RANBP17: variants seen among roughly 807,000 people sequenced by gnomAD.
RANBP17 encodes ran-binding protein 17.
A neutral mutation model predicts 141.2 loss-of-function variants in RANBP17; 158 were observed. The observed-to-expected ratio is 1.12, with a 90% CI of 0.98 to 1.28. The LOEUF is 1.28. Among genes scored for constraint, RANBP17 ranks in the 50% most tolerant of loss-of-function variants. The pLI is 0.00. For missense variants in RANBP17, 1,438 were observed against 1,290.7 expected (o/e 1.11, Z -1.75); for synonymous variants, 430 against 450.0 (o/e 0.96, Z 0.56).
chr5:170,985,921 A>G (rs929855853), intron 14 of RANBP17, among the ~76,000 whole-genome samples: 2 of 152,078 alleles, frequency 1.3e-5, no homozygotes, highest in Admixed American at 6.6e-5. Context: ...TTTTGCCTTC[A>G]TTCTTCTGAA....
At chr5:171,284,508 T>G (rs1768039896) in intron 25 of RANBP17, 1 of 151,906 alleles carries the variant, frequency 6.6e-6, no homozygotes, top group African/African-American at 2.4e-5. Context: ...TATTTTTTTG[T>G]AAAGGTGGAG....
At chr5:171,099,228 G>C (rs756236586) in intron 14 of RANBP17, among the ~76,000 whole-genome samples, 3 of 152,052 alleles carry the variant, frequency 2.0e-5, no homozygotes, top group Admixed American at 6.6e-5. Context: ...TCACAATATT[G>C]GTTCTTCCTA....
chr5:170,926,704 T>TA (rs5873246), intron 12 of RANBP17, among the ~76,000 whole-genome samples: 92,657 of 151,378 alleles, frequency 0.61, 29,663 homozygotes, highest in South Asian at 0.88. Context: ...GTGCAAAAAT[T>TA]AAAAAACTTA....
At chr5:171,163,032 A>G (rs751331978) in intron 14 of RANBP17, among the ~76,000 whole-genome samples, 17 of 152,222 alleles carry the variant, frequency 1.1e-4, no homozygotes, top group Non-Finnish European at 1.8e-4. Context: ...ATTCAGATGT[A>G]TTTTATACTT....
intron 16 of RANBP17, among the ~76,000 whole-genome samples, chr5:171,172,958 A>G (rs1341738999): frequency 6.6e-6 from 1 of 151,970 alleles, no homozygotes; most frequent in Admixed American, 6.6e-5. Flanking sequence ...CTTACTAGAT[A>G]AAAGTTTAAA....
In RANBP17 at chr5:171,293,884, T is replaced by C. The variant is rs1768659722; in HGVS notation, c.2945T>C (p.Met982Thr). The part of the protein sequence containing the change: ...MQQNPDVLQQ[M>T]MSVLMNTIVF... The stretch of plus-strand genomic sequence containing the variant: ...TCTTTATGTGATTCTATCTTCTAGA[T>C]GATGTCTGTCCTCATGAACACCATT... Residue 982 changes from methionine (M) to threonine (T), a missense_variant and splice_region_variant, in exon 26 of 28, where the codon ATG (methionine) becomes ACG (threonine). Physicochemically the swap from Met to Thr is moderately conservative, Grantham distance 81. Coordinates refer to ENST00000523189, the MANE Select transcript of RANBP17 (RefSeq NM_022897.5). 3 of 1,610,540 alleles carry C rather than the reference T, an allele frequency of 1.9e-6. No individual in the cohort carries two copies. The highest frequency in any genetic ancestry group is 2.5e-6 in the Non-Finnish European group (3 of 1,176,964).
chr5:171,062,434 G>A (rs932339939), intron 14 of RANBP17, among the ~76,000 whole-genome samples: 1 of 152,122 alleles, frequency 6.6e-6, no homozygotes, highest in Non-Finnish European at 1.5e-5. Context: ...AGTTTGGCTG[G>A]ATATGAAATT....
intron 14 of RANBP17, among the ~76,000 whole-genome samples, chr5:171,019,966 A>G (rs556013804): frequency 6.6e-6 from 1 of 152,240 alleles, no homozygotes; most frequent in South Asian, 2.1e-4. Context: ...AGATTCTAGT[A>G]CGTTGTCTCT....
chr5:171,209,698 CAA>C (rs967812824), intron 20 of RANBP17, among the ~76,000 whole-genome samples: 2 of 152,156 alleles, frequency 1.3e-5, no homozygotes, highest in African/African-American at 4.8e-5. Context: ...GAAAGCTTCT[CAA>C]GAGAAGTGAA....
intron 22 of RANBP17, among the ~76,000 whole-genome samples, chr5:171,228,824 A>G (rs1404156441): frequency 3.9e-5 from 6 of 152,244 alleles, no homozygotes; most frequent in South Asian, 2.1e-4. Flanking sequence ...ATTTTTAGCA[A>G]TAAAACATTT....
intron 3 of RANBP17, among the ~76,000 whole-genome samples, chr5:170,882,672 T>C (rs1023302487): frequency 4.6e-5 from 7 of 152,318 alleles, no homozygotes; most frequent in African/African-American, 1.7e-4. Flanking sequence ...CTGGTGTTTT[T>C]CAGGATGCTA....
rs1760225281 is a variant in RANBP17 at position 171,173,317 on chromosome 5, G to C, written c.1865+2031G>C. Among the ~76,000 whole-genome samples the C allele has an allele frequency of 2.0e-5, 3 of 151,928 alleles. 1 individual carries two copies. The South Asian group carries it at 6.2e-4, about 31-fold the overall frequency. ...ATTATTTCTATATTAGGAATAAGAT[G>C]ACATTCTTCAGCAATAGAAACACGC... On this transcript the variant is annotated intron_variant, in intron 16 of 27. Transcript: ENST00000523189.
intron 14 of RANBP17, among the ~76,000 whole-genome samples, chr5:171,065,451 C>T (rs928484365): frequency 6.6e-6 from 1 of 152,096 alleles, no homozygotes; most frequent in African/African-American, 2.4e-5. Context: ...TCTAATGCTG[C>T]TGCTGACCTG....
chr5:171,077,953 T>C (rs1785037916), intron 14 of RANBP17, among the ~76,000 whole-genome samples: 2 of 152,036 alleles, frequency 1.3e-5, no homozygotes, highest in African/African-American at 4.8e-5. Context: ...AGAAGAAAAG[T>C]TGGAAGCTAG....
In RANBP17 at chr5:170,978,065, G is replaced by T. The variant is rs1777510287; in HGVS notation, c.1710+9688G>T. ...TGGGCAGAAGATTTCAACAAGCACT[G>T]AAAAAAGGTATCTAAATGGCCAATA... On this transcript the variant is annotated intron_variant, in intron 14 of 27. Coordinates refer to ENST00000523189, the MANE Select transcript of RANBP17 (RefSeq NM_022897.5). 2.6e-5 allele frequency among the ~76,000 whole-genome samples: 4 copies of T among 152,136 alleles called. No individual in the cohort carries two copies. In the South Asian group the frequency reaches 8.3e-4, roughly 32 times the overall value.
intron 14 of RANBP17, among the ~76,000 whole-genome samples, chr5:171,065,653 A>G (rs1207426287): frequency 1.3e-5 from 2 of 151,998 alleles, no homozygotes; most frequent in African/African-American, 4.8e-5. Context: ...CAGTTTTATC[A>G]TATACTAGAT....
rs774312637 is a variant in RANBP17 at position 171,213,738 on chromosome 5, G to A, written c.2339G>A (p.Arg780Lys). Residue 780 changes from arginine to lysine, a missense_variant and splice_region_variant, in exon 21 of 28, where the codon AGA becomes AAA. Physicochemically the swap from Arg to Lys is conservative, Grantham distance 26 (BLOSUM62 2). Coordinates refer to ENST00000523189, the MANE Select transcript of RANBP17 (RefSeq NM_022897.5). The part of the protein sequence containing the change: ...LKLMAELMQN[R>K]SQRLNFDVSS... ...CTTATGGCAGAACTTATGCAAAACA[G>A]GTAAGCAGTGTGACAGGCAGTGAGA... 1.9e-6 allele frequency: 3 copies of A among 1,600,716 alleles called. No homozygotes were observed. The highest frequency in any genetic ancestry group is 2.2e-5 in the East Asian group (1 of 44,806).
chr5:171,041,903 C>T (rs369560169), intron 14 of RANBP17, among the ~76,000 whole-genome samples: 72 of 152,080 alleles, frequency 4.7e-4, no homozygotes, highest in African/African-American at 1.7e-3. Flanking sequence ...TCCCACTGCA[C>T]CCCCGACAGG....
intron 6 of RANBP17, 73 bp downstream of exon 6, chr5:170,909,838 T>C: frequency 1.2e-6 from 1 of 829,068 alleles, no homozygotes; most frequent in Non-Finnish European, 2.0e-6. Flanking sequence ...AGAATTTCAG[T>C]TGAATTTTCC....
Sources: gnomAD v4.1 joint callset for allele counts (sites outside exome capture counted in the v4.1 genomes callset) on GRCh38, gnomAD v4.1.1 for gene constraint, MANE v1.5 for transcripts, NCBI Gene and HGNC (gene_info 2026-07-23, HGNC 2026-07-21) for gene names.